The following TMPRSS11E variants were observed in gnomAD, a reference collection of about 807,000 sequenced individuals.
The protein encoded by TMPRSS11E is transmembrane serine protease 11E.
A neutral mutation model predicts 48.1 loss-of-function variants in TMPRSS11E; 38 were observed. The ratio of observed to expected loss-of-function variants is 0.79; its 90% CI spans 0.61 to 1.04. The LOEUF is 1.04. Ranked by LOEUF, TMPRSS11E falls within the 50% of genes least tolerant of loss-of-function variation. The probability of loss-of-function intolerance (pLI) is 0.00; values close to 1 mark genes in which losing one functional copy is unlikely to be tolerated. For synonymous variants in TMPRSS11E, 158 were observed against 171.9 expected, an observed-to-expected ratio of 0.92 and a Z score of 0.63; for missense variants, 530 against 510.8, an observed-to-expected ratio of 1.04 and a Z score of -0.36.
chr4:68,476,523 T>C (rs1210544606), intron 7 of TMPRSS11E, 85 bp downstream of exon 7: 3 of 1,379,228 alleles, frequency 2.2e-6, no homozygotes, highest in African/African-American at 2.9e-5. Flanking sequence ...TTTTGGGAGA[T>C]ATGAGTTTAG....
chr4:68,496,605 C>T (rs1465192133), intron 9 of TMPRSS11E, 38 bp from the exon 10 acceptor site: 1 of 1,579,820 alleles, frequency 6.3e-7, no homozygotes, highest in African/African-American at 1.4e-5. Flanking sequence ...CTGTAATGAA[C>T]TGAATTATGA....
At chr4:68,474,586 C>T in intron 5 of TMPRSS11E, 137 bp from the exon 6 acceptor site, 2 of 794,974 alleles carry the variant, frequency 2.5e-6, no homozygotes, top group South Asian at 1.6e-5. Flanking sequence ...ATGTCTATGA[C>T]AAGCTATGTT....
intron 2 of TMPRSS11E, among the ~76,000 whole-genome samples, chr4:68,462,618 T>C (rs965381483): frequency 6.6e-6 from 1 of 151,538 alleles, no homozygotes. Context: ...GTTGAAGTCC[T>C]GACATCCCAA....
intron 5 of TMPRSS11E, 104 bp downstream of exon 5, chr4:68,471,727 C>A: frequency 1.3e-6 from 1 of 789,054 alleles, no homozygotes; most frequent in Non-Finnish European, 1.9e-6. Flanking sequence ...ATTCTGGGGT[C>A]TTGCCACCAA....
At chr4:68,479,070 T>C (rs750413020) in intron 9 of TMPRSS11E, 79 bp downstream of exon 9, 28 of 1,557,004 alleles carry the variant, frequency 1.8e-5, no homozygotes, top group Non-Finnish European at 2.4e-5. Flanking sequence ...CTACAGGAAG[T>C]TGCAAAGATA....
chr4:68,482,167 T>TATAGTGGTAGG (rs1553916817), intron 9 of TMPRSS11E, among the ~76,000 whole-genome samples: 2 of 151,316 alleles, frequency 1.3e-5, no homozygotes, highest in African/African-American at 4.9e-5. Flanking sequence ...GCAAGAGGGA[T>TATAGTGGTAGG]AGAGGTGCCA....
In TMPRSS11E at chr4:68,496,560, A is replaced by G. The variant is rs959773125; in HGVS notation, c.1111-83A>G. The G allele has an allele frequency of 2.2e-6, 3 of 1,380,162 alleles. No individual in the cohort carries two copies. The South Asian group carries it at 4.3e-5, about 20-fold the overall frequency. The allele number at this position is 1,380,162 out of a possible 1,614,324, so 85.5% of individuals were successfully genotyped here. A position where few individuals can be genotyped will look rare whatever the true frequency, so the allele number is the denominator to read the frequency against. ...AATACTTTTGAAAATTACCCCTTTCATTACATTCTTAAGTTAGAAAAATAG... is the reference window on the plus strand; with the variant it reads ...AATACTTTTGAAAATTACCCCTTTCGTTACATTCTTAAGTTAGAAAAATAG... On this transcript the variant is annotated intron_variant, in intron 9 of 9. Transcript: ENST00000305363.
chr4:68,482,501 C>T (rs182917271), intron 9 of TMPRSS11E, among the ~76,000 whole-genome samples: 1 of 149,936 alleles, frequency 6.7e-6, no homozygotes, highest in East Asian at 2.0e-4. Context: ...CACCTATAAT[C>T]CCAGCATTTT....
intron 4 of TMPRSS11E, among the ~76,000 whole-genome samples, chr4:68,470,649 C>T (rs971524656): frequency 5.9e-5 from 9 of 151,760 alleles, no homozygotes; most frequent in Non-Finnish European, 1.2e-4. Context: ...ATTTGTATTC[C>T]CACTTCCAGT....
chr4:68,476,172 G>C, intron 6 of TMPRSS11E, 89 bp from the exon 7 acceptor site: 1 of 1,550,292 alleles, frequency 6.5e-7, no homozygotes, highest in Non-Finnish European at 8.9e-7. Flanking sequence ...CAAAGTAGAA[G>C]AAATATGGGA....
At chr4:68,468,849 C>T (rs766347995) in intron 3 of TMPRSS11E, 30 bp from the exon 4 acceptor site, 10 of 1,443,286 alleles carry the variant, frequency 6.9e-6, no homozygotes, top group Middle Eastern at 1.7e-4. Context: ...GTTGTTCTTG[C>T]TGATATATTT....
At chr4:68,475,677 C>G (rs1259089259) in intron 6 of TMPRSS11E, among the ~76,000 whole-genome samples, 1 of 152,140 alleles carries the variant, frequency 6.6e-6, no homozygotes, top group Non-Finnish European at 1.5e-5. Context: ...TTAAACAACA[C>G]TTCTCAACCA....
In TMPRSS11E at chr4:68,467,187, T is replaced by C. The variant is rs1428556270; in HGVS notation, c.258+435T>C. On this transcript the variant is annotated intron_variant, in intron 3 of 9. Transcript: ENST00000305363. ...TAAAAATATCTAACCTTCAACCAGC[T>C]TTTGGTATATAAATCTGTAGTAAAT... Among the ~76,000 whole-genome samples the C allele has an allele frequency of 2.0e-5, 3 of 152,146 alleles. No homozygotes were observed. In the East Asian group the frequency reaches 5.8e-4, roughly 29 times the overall value.
Position 68,468,889 on chromosome 4 carries a change from C to A in TMPRSS11E, c.269C>A (p.Ala90Glu). ...SQRLESMVKN[A>E]FYKSPLREEF... ...TATTTTTACAAACAGGTGAAAAATG[C>A]ATTTTATAAATCTCCATTAAGGGAA... is the stretch of plus-strand genomic sequence containing the variant. The change falls in exon 4 of 10, where the codon GCA becomes GAA. Residue 90 changes from alanine to glutamate, a missense_variant. Transcript: ENST00000305363. The A allele has an allele frequency of 6.2e-7, 1 of 1,605,926 alleles. No individual in the cohort carries two copies. The highest frequency in any genetic ancestry group is 8.5e-7 in the Non-Finnish European group (1 of 1,173,000).
intron 9 of TMPRSS11E, 46 bp from the exon 10 acceptor site, chr4:68,496,597 G>A: frequency 6.4e-7 from 1 of 1,565,004 alleles, no homozygotes; most frequent in Non-Finnish European, 8.7e-7. Context: ...CAATTCCTCT[G>A]TAATGAACTG....
chr4:68,457,373 C>T lies in TMPRSS11E; in HGVS notation c.12-4448C>T, dbSNP rs143484580. 9.0e-3 allele frequency among the ~76,000 whole-genome samples: 1,363 copies of T among 152,068 alleles called. 25 individuals carry two copies. Among genetic ancestry groups the T allele is most frequent in the African/African-American group, 0.031 (1,299 of 41,482 alleles). The stretch of plus-strand genomic sequence containing the variant: ...TACCATCTCATGCCAGTTAGAATGG[C>T]GATCATTAAAAAGTCAGGAAACAAC... On this transcript the variant is annotated intron_variant, in intron 1 of 9. Transcript: ENST00000305363.
chr4:68,460,710 T>C (rs1225266907), intron 1 of TMPRSS11E, among the ~76,000 whole-genome samples: 1 of 152,230 alleles, frequency 6.6e-6, no homozygotes, highest in Non-Finnish European at 1.5e-5. Context: ...TCTGACTTAT[T>C]ATTTCACATT....
At chr4:68,480,273 T>A (rs1166690298) in intron 9 of TMPRSS11E, among the ~76,000 whole-genome samples, 1 of 152,136 alleles carries the variant, frequency 6.6e-6, no homozygotes, top group East Asian at 1.9e-4. Flanking sequence ...CAATGTTTAC[T>A]CTTTTATTAT....
chr4:68,482,984 G>A (rs184819439), intron 9 of TMPRSS11E, among the ~76,000 whole-genome samples: 74 of 152,204 alleles, frequency 4.9e-4, no homozygotes, highest in Middle Eastern at 3.4e-3. Context: ...TTGCCAAGTC[G>A]CTTTCACATT....
Sources: gnomAD v4.1 joint callset for allele counts (sites outside exome capture counted in the v4.1 genomes callset) on GRCh38, gnomAD v4.1.1 for gene constraint, MANE v1.5 for transcripts, NCBI Gene and HGNC (gene_info 2026-07-23, HGNC 2026-07-21) for gene names.